The following YPEL2 variants were observed in gnomAD, a reference collection of about 807,000 sequenced individuals.
The protein encoded by YPEL2 is protein yippee-like 2.
A neutral mutation model predicts 19.1 loss-of-function variants in YPEL2; 2 were observed. The ratio of observed to expected loss-of-function variants is 0.10; its 90% confidence interval spans 0.04 to 0.33. The LOEUF is 0.33. Ranked by LOEUF, YPEL2 falls within the 10% of genes least tolerant of loss-of-function variation. The probability of loss-of-function intolerance (pLI) is 1.00; values close to 1 mark genes in which losing one functional copy is unlikely to be tolerated. For missense variants in YPEL2, 66 were observed against 140.7 expected (o/e 0.47, Z 2.68); for synonymous variants, 52 against 50.0 (o/e 1.04, Z -0.17).
intron 1 of YPEL2, among the ~76,000 whole-genome samples, chr17:59,349,988 T>G (rs576060729): frequency 6.6e-6 from 1 of 152,356 alleles, no homozygotes; most frequent in Non-Finnish European, 1.5e-5. Flanking sequence ...CTGCTTCTCC[T>G]TGCTTTCTAC....
chr17:59,378,492 A>G (rs965864846), intron 2 of YPEL2, among the ~76,000 whole-genome samples: 5 of 151,932 alleles, frequency 3.3e-5, no homozygotes, highest in African/African-American at 1.2e-4. Flanking sequence ...TTACAAGTGC[A>G]CACCACCACG....
chr17:59,378,167 T>C (rs570717701), intron 2 of YPEL2, among the ~76,000 whole-genome samples: 1 of 152,056 alleles, frequency 6.6e-6, no homozygotes, highest in East Asian at 1.9e-4. Context: ...TCTTATAGGA[T>C]CTCTCTCTGT....
intron 2 of YPEL2, among the ~76,000 whole-genome samples, chr17:59,372,559 T>C (rs2047902005): frequency 1.3e-5 from 2 of 152,366 alleles, no homozygotes; most frequent in South Asian, 4.1e-4. Context: ...TAACAAGTTC[T>C]GCTTTCAGAT....
intron 1 of YPEL2, among the ~76,000 whole-genome samples, chr17:59,349,200 C>T (rs1212616676): frequency 1.5e-5 from 2 of 135,080 alleles, no homozygotes; most frequent in Non-Finnish European, 3.2e-5. Flanking sequence ...AAAAAAAAAT[C>T]AATTTTCTTT....
rs1451508 is a variant in YPEL2, at chr17:59,399,874, T to G, written c.*2684T>G. ...TTCATTCACCCCAGGTGGGTTGGGG[T>G]AATTGGAGTTTGTTGGTGAAGTTTG... On this transcript the variant is annotated 3_prime_UTR_variant, in exon 5 of 5. Coordinates refer to ENST00000312655, the MANE Select transcript of YPEL2 (RefSeq NM_001005404.4). The G allele has an allele frequency of 0.57, 87,334 of 152,318 alleles. 25,389 individuals are homozygous for G. Among genetic ancestry groups the G allele is most frequent in the East Asian group, 0.67 (3,466 of 5,158 alleles). 9.4% of individuals were successfully genotyped at this position (152,318 alleles called of 1,614,324 possible).
intron 2 of YPEL2, among the ~76,000 whole-genome samples, chr17:59,379,214 ACC>A (rs1695172824): frequency 6.6e-6 from 1 of 151,684 alleles, no homozygotes; most frequent in Non-Finnish European, 1.5e-5. Context: ...CTTTATCATC[ACC>A]CCTCTCACTT....
chr17:59,331,758 G>C lies in YPEL2; in HGVS notation c.-262G>C, dbSNP rs1283243162. On this transcript the variant is annotated 5_prime_UTR_variant, in exon 1 of 5. Coordinates refer to ENST00000312655, the MANE Select transcript of YPEL2 (RefSeq NM_001005404.4). ...GGAGCCCGAGCCCCAGCCGGGCCGCGCTTCGCCGCTGCGCACCCCAGCGGA... is the reference window on the plus strand; with the variant it reads ...GGAGCCCGAGCCCCAGCCGGGCCGCCCTTCGCCGCTGCGCACCCCAGCGGA... 1 of 152,138 alleles carries C rather than the reference G, an allele frequency of 6.6e-6. No homozygotes were observed. The highest frequency in any genetic ancestry group is 2.4e-5 in the African/African-American group (1 of 41,426). The allele number at this position is 152,138 out of a possible 1,614,324, so 9.4% of individuals were successfully genotyped here.
rs563142920 is a variant in YPEL2, at chr17:59,357,580, A to G, written c.117+4054A>G. Among the ~76,000 whole-genome samples, 10 of 152,358 alleles carry G rather than the reference A, an allele frequency of 6.6e-5. No individual in the cohort carries two copies. In the East Asian group the frequency reaches 1.9e-3, roughly 29 times the overall value. On this transcript the variant is annotated intron_variant, in intron 2 of 4. Transcript: ENST00000312655. ...TTTCTTCCCTAATGGTACAAGCCCTAGTATAAAAATATACTTTGCTTATAA... is the reference window on the plus strand; with the variant it reads ...TTTCTTCCCTAATGGTACAAGCCCTGGTATAAAAATATACTTTGCTTATAA...
chr17:59,378,539 T>G (rs1355049154), intron 2 of YPEL2, among the ~76,000 whole-genome samples: 1 of 152,156 alleles, frequency 6.6e-6, no homozygotes, highest in Non-Finnish European at 1.5e-5. Context: ...TTTCACCATG[T>G]TGGCCAGGCT....
At chr17:59,383,320 C>T (rs146433291) in intron 2 of YPEL2, among the ~76,000 whole-genome samples, 25 of 151,442 alleles carry the variant, frequency 1.7e-4, no homozygotes, top group Non-Finnish European at 2.8e-4. Context: ...TAGTCTAGGC[C>T]GGGCGTGGTG....
chr17:59,352,490 A>G (rs769012288), intron 1 of YPEL2, among the ~76,000 whole-genome samples: 1 of 152,214 alleles, frequency 6.6e-6, no homozygotes, highest in Non-Finnish European at 1.5e-5. Context: ...AAATTCTGGT[A>G]AAATTCACTG....
At chr17:59,340,125 G>A (rs1261366988) in intron 1 of YPEL2, among the ~76,000 whole-genome samples, 1 of 132,046 alleles carries the variant, frequency 7.6e-6, no homozygotes, top group Non-Finnish European at 1.6e-5. Context: ...TTTTTTTTTT[G>A]AGATGGAGTT....
chr17:59,332,355 C>A (rs1034329490), intron 1 of YPEL2, among the ~76,000 whole-genome samples: 1 of 152,166 alleles, frequency 6.6e-6, no homozygotes, highest in Non-Finnish European at 1.5e-5. Context: ...TTTCTCGGAG[C>A]GCGTCGTCTG....
In YPEL2 at chr17:59,386,810, A is replaced by AC. The variant is rs553064262; in HGVS notation, c.118-1513dup. Among the ~76,000 whole-genome samples the AC allele has an allele frequency of 8.5e-5, 13 of 152,164 alleles. 1 individual carries two copies. In the South Asian group the frequency reaches 1.9e-3, roughly 22 times the overall value. On this transcript the variant is annotated intron_variant, in intron 2 of 4. Coordinates refer to ENST00000312655, the MANE Select transcript of YPEL2 (RefSeq NM_001005404.4). ...CTATATTCCCCAGGGATGTTTCAAG[A>AC]CCCCAAAAAGGAGAGAATTGGTTTG...
intron 2 of YPEL2, among the ~76,000 whole-genome samples, chr17:59,380,896 G>A (rs985934434): frequency 6.6e-6 from 1 of 152,200 alleles, no homozygotes; most frequent in Non-Finnish European, 1.5e-5. Context: ...TTGCAAAGTG[G>A]GGAAGCCTTG....
intron 2 of YPEL2, among the ~76,000 whole-genome samples, chr17:59,370,119 C>A (rs924115875): frequency 1.3e-5 from 2 of 152,184 alleles, no homozygotes; most frequent in African/African-American, 4.8e-5. Flanking sequence ...TGCAGTGGCG[C>A]GATCTGGGCT....
At chr17:59,374,492 G>A (rs187893410) in intron 2 of YPEL2, among the ~76,000 whole-genome samples, 2 of 152,142 alleles carry the variant, frequency 1.3e-5, no homozygotes, top group South Asian at 4.1e-4. Flanking sequence ...TGCTAATGGC[G>A]CTCACCAGAG....
intron 1 of YPEL2, among the ~76,000 whole-genome samples, chr17:59,337,183 C>CTTTTTTTTTTTTTT (rs146083930): frequency 7.3e-6 from 1 of 136,500 alleles, no homozygotes; most frequent in African/African-American, 2.8e-5. Context: ...GGGAGAAATT[C>CTTTTTTTTTTTTTT]TTTTTTTTTG....
intron 4 of YPEL2, among the ~76,000 whole-genome samples, chr17:59,391,252 C>T (rs770506104): frequency 2.0e-5 from 3 of 152,096 alleles, no homozygotes; most frequent in South Asian, 4.1e-4. Context: ...AGAGTGCTGA[C>T]GATATGTCAG....
Sources: gnomAD v4.1 joint callset for allele counts (sites outside exome capture counted in the v4.1 genomes callset) on GRCh38, gnomAD v4.1.1 for gene constraint, MANE v1.5 for transcripts, NCBI Gene and HGNC (gene_info 2026-07-23, HGNC 2026-07-21) for gene names.